SGCD: variants seen among roughly 807,000 people sequenced by gnomAD.
SGCD encodes delta-sarcoglycan.
SGCD carries 18 observed loss-of-function variants against 36.6 expected under a neutral mutation model. The ratio of observed to expected loss-of-function variants is 0.49; its 90% CI spans 0.34 to 0.73. The LOEUF (loss-of-function observed/expected upper bound fraction) is 0.73, where lower values mean the gene tolerates loss of function less well. Among genes scored for constraint, SGCD ranks in the 30% least tolerant of loss-of-function variants. The probability of loss-of-function intolerance (pLI) is 0.01; values close to 1 mark genes in which losing one functional copy is unlikely to be tolerated. For synonymous variants in SGCD, 133 were observed against 130.6 expected, an observed-to-expected ratio of 1.02 and a Z score of -0.12; for missense variants, 387 against 346.7, an observed-to-expected ratio of 1.12 and a Z score of -0.92.
the SGCD span, among the ~76,000 whole-genome samples, chr5:155,782,945 T>C: frequency 6.6e-6 from 1 of 151,832 alleles, no homozygotes. Context: ...TTGTAAGAGA[T>C]TGGGAAAAAA....
chr5:156,361,441 A>G (rs1487245924), intron 3 of SGCD, among the ~76,000 whole-genome samples: 1 of 152,174 alleles, frequency 6.6e-6, no homozygotes, highest in Admixed American at 6.5e-5. Context: ...TCCTTTACTC[A>G]TTTGTACTAG....
chr5:156,268,693 A>T (rs1402248318), intron 3 of SGCD, among the ~76,000 whole-genome samples: 2 of 152,102 alleles, frequency 1.3e-5, no homozygotes, highest in Admixed American at 6.6e-5. Context: ...CCTTGGTTCA[A>T]GCAATTCTCT....
intron 1 of SGCD, among the ~76,000 whole-genome samples, chr5:156,046,794 T>G (rs1759776336): frequency 6.6e-6 from 1 of 152,122 alleles, no homozygotes; most frequent in Non-Finnish European, 1.5e-5. Context: ...TCTCAAGGTA[T>G]TCAAGTGAAG....
intron 3 of SGCD, among the ~76,000 whole-genome samples, chr5:156,382,977 A>G (rs1482724257): frequency 2.6e-5 from 4 of 152,222 alleles, no homozygotes. Flanking sequence ...GCAACAAACA[A>G]GCTGTTTCCA....
At chr5:156,706,498 C>A (rs1371793171) in intron 7 of SGCD, among the ~76,000 whole-genome samples, 4 of 152,072 alleles carry the variant, frequency 2.6e-5, no homozygotes, top group Admixed American at 2.6e-4. Context: ...TTTCTGCCAC[C>A]CTTAGGTGGT....
intron 3 of SGCD, among the ~76,000 whole-genome samples, chr5:156,425,797 G>A (rs115142927): frequency 0.02 from 3,061 of 151,930 alleles, 96 homozygotes; most frequent in African/African-American, 0.069. Context: ...ACCTACTAGT[G>A]AGAACATAGG....
chr5:156,449,196 G>T (rs1483930638), intron 3 of SGCD, among the ~76,000 whole-genome samples: 1 of 151,992 alleles, frequency 6.6e-6, no homozygotes, highest in Non-Finnish European at 1.5e-5. Flanking sequence ...AGTTCTATAC[G>T]ATTGAGCAGG....
At chr5:156,034,057 T>A (rs779232023) in intron 1 of SGCD, among the ~76,000 whole-genome samples, 31 of 152,268 alleles carry the variant, frequency 2.0e-4, no homozygotes, top group Non-Finnish European at 3.5e-4. Flanking sequence ...GGTATTTAGG[T>A]ATGCCCTGCC....
intron 4 of SGCD, among the ~76,000 whole-genome samples, chr5:156,521,542 C>T (rs1435889578): frequency 1.3e-5 from 2 of 152,064 alleles, no homozygotes; most frequent in South Asian, 2.1e-4. Context: ...GCAAAGGACA[C>T]GAACAGACAG....
intron 2 of SGCD, among the ~76,000 whole-genome samples, chr5:156,343,138 A>T (rs971527735): frequency 6.6e-6 from 1 of 152,156 alleles, no homozygotes; most frequent in African/African-American, 2.4e-5. Context: ...ATTGTGAACC[A>T]TCTGGAAGAT....
intron 3 of SGCD, among the ~76,000 whole-genome samples, chr5:156,293,221 G>A (rs1581223637): frequency 6.6e-6 from 1 of 152,032 alleles, no homozygotes; most frequent in East Asian, 1.9e-4. Context: ...ATTAGAGGGT[G>A]TATAATAACA....
At chr5:156,070,641 C>G (rs916741472) in intron 1 of SGCD, among the ~76,000 whole-genome samples, 1 of 152,054 alleles carries the variant, frequency 6.6e-6, no homozygotes, top group South Asian at 2.1e-4. Context: ...TGATGCTGGC[C>G]TCATAAAATG....
chr5:156,622,439 A>AAT (rs1306035761), intron 6 of SGCD, among the ~76,000 whole-genome samples: 1 of 25,040 alleles, frequency 4.0e-5, no homozygotes, highest in African/African-American at 1.3e-4. Flanking sequence ...TCTAAAAAAT[A>AAT]ATAATAATAA....
chr5:156,689,644 C>T (rs1754038517), intron 7 of SGCD, among the ~76,000 whole-genome samples: 1 of 152,150 alleles, frequency 6.6e-6, no homozygotes, highest in Non-Finnish European at 1.5e-5. Context: ...AAAGACCCCA[C>T]CATCCAAATT....
At chr5:155,866,411 G>T (rs1249537858), upstream of SGCD, among the ~76,000 whole-genome samples, 3 of 152,132 alleles carry the variant, frequency 2.0e-5, no homozygotes, top group African/African-American at 7.2e-5. Context: ...CAATACCTTA[G>T]TGTTATTATA....
At position 156,344,466 on chromosome 5, in the gene SGCD, C is replaced by T; in HGVS notation, c.4-23C>T. On this transcript the variant is annotated intron_variant, in intron 2 of 8. Coordinates refer to ENST00000337851, the MANE Select transcript of SGCD (RefSeq NM_000337.6). ...TCTCAGCGGTTTAATGTGAGTGCTT[C>T]TCTCTTGCCTCGTTTATTTCAGATG... The T allele has an allele frequency of 4.0e-6, 6 of 1,508,166 alleles. 1 individual carries two copies. The highest frequency in any genetic ancestry group is 3.5e-6 in the Non-Finnish European group (4 of 1,131,946). The allele number at this position is 1,508,166 out of a possible 1,614,324, so 93.4% of individuals were successfully genotyped here.
At chr5:156,023,447 A>G (rs896016808) in intron 1 of SGCD, among the ~76,000 whole-genome samples, 2 of 152,242 alleles carry the variant, frequency 1.3e-5, no homozygotes, top group South Asian at 4.1e-4. Context: ...GTCTCATTAA[A>G]TGCTGCCTGC....
chr5:155,815,694 C>T, the SGCD span, among the ~76,000 whole-genome samples: 1 of 152,044 alleles, frequency 6.6e-6, no homozygotes, highest in Non-Finnish European at 1.5e-5. Flanking sequence ...GGGGAAGGTG[C>T]CACACACTTT....
At chr5:156,475,204 C>G (rs1302190696) in intron 3 of SGCD, among the ~76,000 whole-genome samples, 1 of 152,114 alleles carries the variant, frequency 6.6e-6, no homozygotes, top group Non-Finnish European at 1.5e-5. Context: ...CCAAGATACC[C>G]ATTCATTATT....
Sources: allele counts gnomAD v4.1 joint callset (sites outside exome capture counted in the v4.1 genomes callset), GRCh38; gene constraint gnomAD v4.1.1; transcripts MANE v1.5; gene names NCBI Gene and HGNC (gene_info 2026-07-23, HGNC 2026-07-21).